Variants in KCNQ1 observed in about 807,000 individuals in gnomAD.
The protein encoded by KCNQ1 is potassium voltage-gated channel subfamily KQT member 1.
Under a neutral mutation model 72.4 loss-of-function variants are expected in KCNQ1, and 49 were observed. That is an observed-to-expected ratio of 0.68 (90% CI 0.54 to 0.86). The LOEUF (loss-of-function observed/expected upper bound fraction) is 0.86. KCNQ1 is among the 40% of genes least tolerant of loss of function. The pLI, the probability that KCNQ1 is intolerant of heterozygous loss-of-function variation, is 0.00. For synonymous variants in KCNQ1, 450 were observed against 412.6 expected, an observed-to-expected ratio of 1.09 and a Z score of -1.10; for missense variants, 790 against 945.1, an observed-to-expected ratio of 0.84 and a Z score of 2.15.
rs552897561 is a variant in KCNQ1, at chr11:2,544,160, T to C, written c.477+16142T>C. ...TTTGGGATTGCATTCAACCTAAAGA[T>C]CAACATGGGGAGAATTGATGTCTTA... On this transcript the variant is annotated intron_variant, in intron 2 of 15. Coordinates refer to ENST00000155840, the MANE Select transcript of KCNQ1 (RefSeq NM_000218.3). The surrounding 1 kb of genome is among the most constrained non-coding windows in gnomAD (Gnocchi z 4.4). Among the ~76,000 whole-genome samples the C allele has an allele frequency of 6.6e-6, 1 of 152,144 alleles. No homozygotes were observed. The highest frequency in any genetic ancestry group is 1.9e-4 in the East Asian group (1 of 5,184).
At chr11:2,531,032 C>T (rs1847615566) in intron 2 of KCNQ1, among the ~76,000 whole-genome samples, 2 of 152,134 alleles carry the variant, frequency 1.3e-5, no homozygotes, top group Admixed American at 1.3e-4. Context: ...CCAGGTGCTC[C>T]TGCCCAGCCA....
chr11:2,471,067 G>C lies in KCNQ1; in HGVS notation c.386+25583G>C, dbSNP rs1453447933. On this transcript the variant is annotated intron_variant, in intron 1 of 15. Transcript: ENST00000155840. The surrounding 1 kb of genome is among the most constrained non-coding windows in gnomAD (Gnocchi z 4.8). ...CCCGCGGGTTCCAGCACATTTGCTG[G>C]GATGGCCCTCCTCCCTCCACAGCAG... 6.6e-6 allele frequency among the ~76,000 whole-genome samples: 1 copy of C among 152,022 alleles called. No individual in the cohort carries two copies. Among genetic ancestry groups the C allele is most frequent in the African/African-American group, 2.4e-5 (1 of 41,372 alleles).
chr11:2,538,766 C>T lies in KCNQ1; in HGVS notation c.477+10748C>T, dbSNP rs1258360741. The stretch of plus-strand genomic sequence containing the variant: ...CACACGGGCCTCACGTTATCTTCTG[C>T]AGGCCAGAATTGTCATATATATCAA... On this transcript the variant is annotated intron_variant, in intron 2 of 15. Coordinates refer to ENST00000155840, the MANE Select transcript of KCNQ1 (RefSeq NM_000218.3). The surrounding 1 kb of genome is among the most constrained non-coding windows in gnomAD (Gnocchi z 6.7). Among the ~76,000 whole-genome samples the T allele has an allele frequency of 7.1e-6, 1 of 140,770 alleles. No homozygotes were observed. The highest frequency in any genetic ancestry group is 1.5e-5 in the Non-Finnish European group (1 of 67,132). 92.4% of individuals were successfully genotyped at this position (140,770 alleles called of 152,430 possible). A position where few individuals can be genotyped will look rare whatever the true frequency, so the allele number is the denominator to read the frequency against.
At chr11:2,520,468 C>T (rs867808886) in intron 1 of KCNQ1, among the ~76,000 whole-genome samples, 2 of 152,202 alleles carry the variant, frequency 1.3e-5, no homozygotes, top group Non-Finnish European at 2.9e-5. Context: ...TGGCGACCTC[C>T]AAACCCTGCT....
rs957557128 is a variant in KCNQ1, at chr11:2,588,019, G to T, written c.1251+327G>T. Among the ~76,000 whole-genome samples, 1 of 152,066 alleles carries T rather than the reference G, an allele frequency of 6.6e-6. No homozygotes were observed. Among genetic ancestry groups the T allele is most frequent in the South Asian group, 2.1e-4 (1 of 4,816 alleles). Reference sequence around the variant, plus strand: ...TGGGCTTTCCACACCGGGCGCAGTGGGTGGTGAGCAGTGGGCAGGGGGCCG... The same window carrying T: ...TGGGCTTTCCACACCGGGCGCAGTGTGTGGTGAGCAGTGGGCAGGGGGCCG... On this transcript the variant is annotated intron_variant, in intron 9 of 15. Transcript: ENST00000155840. The surrounding 1 kb of genome is among the most constrained non-coding windows in gnomAD (Gnocchi z 5.6).
chr11:2,469,219 TTGTC>T (rs777954656), intron 1 of KCNQ1, among the ~76,000 whole-genome samples: 8 of 152,156 alleles, frequency 5.3e-5, no homozygotes, highest in Admixed American at 1.3e-4. Context: ...GTCTGTCAAA[TTGTC>T]TGTTAAGAAA....
chr11:2,673,366 C>A lies in KCNQ1; in HGVS notation c.1514+11285C>A, dbSNP rs1850221854. ...CTCATTAGCAAACAAAGGGAAGTGA[C>A]AGAGCAGAGCTCCCCTTGGCCTTTG... On this transcript the variant is annotated intron_variant, in intron 11 of 15. Coordinates refer to ENST00000155840, the MANE Select transcript of KCNQ1 (RefSeq NM_000218.3). The surrounding 1 kb of genome is among the most constrained non-coding windows in gnomAD (Gnocchi z 4.5). 5.0e-6 allele frequency: 2 copies of A among 398,604 alleles called. No individual in the cohort carries two copies. The highest frequency in any genetic ancestry group is 8.8e-6 in the Non-Finnish European group (2 of 226,104). The allele number at this position is 398,604 out of a possible 1,614,324, so 24.7% of individuals were successfully genotyped here.
rs547976864 is a variant in KCNQ1, at chr11:2,664,371, G to C, written c.1514+2290G>C. 2.7e-4 allele frequency: 109 copies of C among 398,874 alleles called. No homozygotes were observed. Among genetic ancestry groups the C allele is most frequent in the Non-Finnish European group, 2.3e-4 (52 of 226,270 alleles). The allele number at this position is 398,874 out of a possible 1,614,324, so 24.7% of individuals were successfully genotyped here. On this transcript the variant is annotated intron_variant, in intron 11 of 15. Coordinates refer to ENST00000155840, the MANE Select transcript of KCNQ1 (RefSeq NM_000218.3). This position sits in a 1 kb window ranked among gnomAD's most constrained non-coding sequence, Gnocchi z 5.1. ...GGTTCCTGCATCCTCAGAAGTCAGG[G>C]TACGGTCCCTCCAGAGAGGCCTGAA...
chr11:2,667,141 G>A lies in KCNQ1; in HGVS notation c.1514+5060G>A, dbSNP rs1018121113. 158 of 398,540 alleles carry A rather than the reference G, an allele frequency of 4.0e-4. 1 individual carries two copies. The highest frequency in any genetic ancestry group is 6.2e-4 in the Non-Finnish European group (140 of 226,108). The allele number at this position is 398,540 out of a possible 1,614,324, so 24.7% of individuals were successfully genotyped here. On this transcript the variant is annotated intron_variant, in intron 11 of 15. Transcript: ENST00000155840. ...GGCTCAGTGGGAAAGAGATGGGATTGGGAATCAGATGCCCTCAATCTGGCT... is the reference window on the plus strand; with the variant it reads ...GGCTCAGTGGGAAAGAGATGGGATTAGGAATCAGATGCCCTCAATCTGGCT...
intron 2 of KCNQ1, among the ~76,000 whole-genome samples, chr11:2,556,080 G>C (rs946618706): frequency 6.6e-6 from 1 of 152,214 alleles, no homozygotes; most frequent in African/African-American, 2.4e-5. Flanking sequence ...GGCTGTGAGG[G>C]AGTGTTCCAG....
intron 6 of KCNQ1, among the ~76,000 whole-genome samples, chr11:2,574,453 G>T (rs1260159255): frequency 6.6e-6 from 1 of 151,936 alleles, no homozygotes; most frequent in Admixed American, 6.6e-5. Context: ...CCTGGGGGCC[G>T]CACGGGGGCT....
At chr11:2,459,750 G>A (rs1846247410) in intron 1 of KCNQ1, among the ~76,000 whole-genome samples, 1 of 152,066 alleles carries the variant, frequency 6.6e-6, no homozygotes, top group South Asian at 2.1e-4. Flanking sequence ...GTGTTGAGAG[G>A]CCTGGGTCTC....
At chr11:2,721,727 C>T (rs925804302) in intron 11 of KCNQ1, among the ~76,000 whole-genome samples, 16 of 152,208 alleles carry the variant, frequency 1.1e-4, no homozygotes, top group African/African-American at 3.9e-4. Flanking sequence ...TTGTCTCTTC[C>T]GACAGCAGCG....
intron 11 of KCNQ1, chr11:2,697,593 T>G: frequency 2.5e-6 from 1 of 398,610 alleles, no homozygotes; most frequent in Non-Finnish European, 4.4e-6. Flanking sequence ...GCGTTAAACT[T>G]TATCACATCA....
At chr11:2,835,543 C>A (rs1848044952) in intron 15 of KCNQ1, among the ~76,000 whole-genome samples, 1 of 152,218 alleles carries the variant, frequency 6.6e-6, no homozygotes, top group Non-Finnish European at 1.5e-5. Context: ...TTATTGAGCA[C>A]CTACTGTGTG....
Position 2,746,109 on chromosome 11 carries a change from C to T in KCNQ1, c.1515-22735C>T, listed in dbSNP as rs1240839681. The stretch of plus-strand genomic sequence containing the variant: ...TTCACCATGCTGGCCAGGCTGATCT[C>T]GAACTCCTGGCCTCAAGTGATCCAT... On this transcript the variant is annotated intron_variant, in intron 11 of 15. Coordinates refer to ENST00000155840, the MANE Select transcript of KCNQ1 (RefSeq NM_000218.3). This position sits in a 1 kb window ranked among gnomAD's most constrained non-coding sequence, Gnocchi z 5.9. 6.6e-6 allele frequency among the ~76,000 whole-genome samples: 1 copy of T among 152,164 alleles called. No individual in the cohort carries two copies. Among genetic ancestry groups the T allele is most frequent in the African/African-American group, 2.4e-5 (1 of 41,438 alleles).
Position 2,775,952 on chromosome 11 carries a change from TC to T in KCNQ1, c.1591-5del. ...AGGAGAAGTGATGCGTGTCTTTTTGTCCCGCAGCAAGCGCGGAAGCCTTACG... is the reference window on the plus strand; with the variant it reads ...AGGAGAAGTGATGCGTGTCTTTTTGTCCGCAGCAAGCGCGGAAGCCTTACG... On this transcript the variant is annotated splice_region_variant and splice_polypyrimidine_tract_variant and intron_variant, in intron 12 of 15. Coordinates refer to ENST00000155840, the MANE Select transcript of KCNQ1 (RefSeq NM_000218.3). The T allele has an allele frequency of 6.4e-7, 1 of 1,553,404 alleles. No homozygotes were observed. Among genetic ancestry groups the T allele is most frequent in the Non-Finnish European group, 8.7e-7 (1 of 1,147,900 alleles).
At chr11:2,448,813 C>T (rs1335830222) in intron 1 of KCNQ1, among the ~76,000 whole-genome samples, 1 of 152,246 alleles carries the variant, frequency 6.6e-6, no homozygotes, top group Non-Finnish European at 1.5e-5. Flanking sequence ...GTCCCCTCAC[C>T]TACATCGCAG....
Position 2,458,478 on chromosome 11 carries a change from G to A in KCNQ1, c.386+12994G>A, listed in dbSNP as rs376990924. On this transcript the variant is annotated intron_variant, in intron 1 of 15. Coordinates refer to ENST00000155840, the MANE Select transcript of KCNQ1 (RefSeq NM_000218.3). The surrounding 1 kb of genome is among the most constrained non-coding windows in gnomAD (Gnocchi z 4.6). ...GTCCTTCTTTGGGACTCCCGCAGAT[G>A]CCTGAGGCGGCAGTGCTGCTGAAGT... 2.6e-5 allele frequency among the ~76,000 whole-genome samples: 4 copies of A among 152,372 alleles called. No homozygotes were observed. The East Asian group carries it at 7.7e-4, about 29-fold the overall frequency.
Sources: allele counts gnomAD v4.1 joint callset (sites outside exome capture counted in the v4.1 genomes callset), GRCh38; gene constraint gnomAD v4.1.1; non-coding constraint Gnocchi (gnomAD v3.1); transcripts MANE v1.5; gene names NCBI Gene and HGNC (gene_info 2026-07-23, HGNC 2026-07-21).